Variants in ZNF841 observed in about 807,000 individuals in gnomAD.
ZNF841 encodes the protein TCONS_00006091.
Under a neutral mutation model 13.0 loss-of-function variants are expected in ZNF841, and 11 were observed. The observed-to-expected ratio is 0.85, with a 90% confidence interval of 0.53 to 1.40. ZNF841 has a LOEUF of 1.40. Ranked by LOEUF, ZNF841 falls within the 40% of genes most tolerant of loss-of-function variation. The pLI is 0.00. For synonymous variants in ZNF841, 369 were observed against 381.6 expected (o/e 0.97, Z 0.38); for missense variants, 1,068 against 1,139.5 (o/e 0.94, Z 0.90).
intron 2 of ZNF841, among the ~76,000 whole-genome samples, chr19:52,089,206 G>A (rs745851200): frequency 7.9e-5 from 12 of 152,168 alleles, no homozygotes; most frequent in Non-Finnish European, 1.6e-4. Flanking sequence ...ACTTTAGGAA[G>A]GTAAAGGATC....
rs781724866 is a variant in ZNF841, at chr19:52,065,452, A to T, written c.2430T>A (p.Asn810Lys). The T allele has an allele frequency of 6.2e-7, 1 of 1,613,796 alleles. No homozygotes were observed. The highest frequency in any genetic ancestry group is 8.5e-7 in the Non-Finnish European group (1 of 1,179,950). Residue 810 changes from asparagine to lysine, a missense_variant, in exon 7 of 7, where the codon AAT (asparagine) becomes AAA (lysine). Coordinates refer to ENST00000594440, the MANE Select transcript of ZNF841 (RefSeq NM_001136499.2). ...TCTCTCCAGTATGCATCATCTGATG[A>T]TTAAGCAGAATTGAACGTACTCTAA... ...KAFRVRSILL[N>K]HQMMHTGEKP...
At chr19:52,074,820 G>A (rs1483580535) in intron 6 of ZNF841, among the ~76,000 whole-genome samples, 1 of 152,046 alleles carries the variant, frequency 6.6e-6, no homozygotes, top group Non-Finnish European at 1.5e-5. Context: ...GCCCGGCATG[G>A]GAGAAATTCC....
At chr19:52,081,505 TA>T (rs1427620216) in intron 4 of ZNF841, among the ~76,000 whole-genome samples, 2 of 152,182 alleles carry the variant, frequency 1.3e-5, no homozygotes, top group African/African-American at 4.8e-5. Context: ...CTATATGAAC[TA>T]TGCATGCAAA....
downstream of ZNF841, among the ~76,000 whole-genome samples, chr19:52,064,219 G>A (rs369095979): frequency 3.9e-4 from 59 of 151,816 alleles, no homozygotes; most frequent in East Asian, 1.4e-3. Context: ...GGTGGCGAGC[G>A]CCTGTAGTCC....
Position 52,066,900 on chromosome 19 carries a change from G to C in ZNF841, c.982C>G (p.Gln328Glu), listed in dbSNP as rs1175067157. 2 of 1,614,126 alleles carry C rather than the reference G, an allele frequency of 1.2e-6. No homozygotes were observed. The highest frequency in any genetic ancestry group is 1.7e-6 in the Non-Finnish European group (2 of 1,180,026). ...QCDVCGRIFR[Q>E]NSDLVNHRRS... ...CGGTGATTTACAAGATCTGAATTTT[G>C]TCTGAAGATCCTGCCACATACATCA... The change falls in exon 7 of 7, where the codon CAA becomes GAA. Residue 328 changes from glutamine to glutamate, a missense_variant. Coordinates refer to ENST00000594440, the MANE Select transcript of ZNF841 (RefSeq NM_001136499.2).
intron 4 of ZNF841, among the ~76,000 whole-genome samples, chr19:52,078,564 T>C (rs1397154433): frequency 6.6e-6 from 1 of 151,892 alleles, no homozygotes; most frequent in South Asian, 2.1e-4. Context: ...CCGGGTGTGG[T>C]GGCCGGCGCC....
chr19:52,071,209 A>G (rs552526174), intron 6 of ZNF841, among the ~76,000 whole-genome samples: 7 of 152,356 alleles, frequency 4.6e-5, no homozygotes, highest in African/African-American at 1.7e-4. Context: ...TTATGTCTCT[A>G]TAATATTTGC....
chr19:52,061,279 T>C (rs1053899817), downstream of ZNF841, among the ~76,000 whole-genome samples: 40 of 152,252 alleles, frequency 2.6e-4, no homozygotes, highest in African/African-American at 9.4e-4. Flanking sequence ...AAAGATAAAA[T>C]GTAAAATTTT....
At chr19:52,072,712 G>A (rs1338698503) in intron 6 of ZNF841, among the ~76,000 whole-genome samples, 3 of 152,058 alleles carry the variant, frequency 2.0e-5, no homozygotes, top group Admixed American at 6.6e-5. Context: ...CCAGCTACTC[G>A]GGAGGCTGAG....
Position 52,076,064 on chromosome 19 carries a change from C to A in ZNF841, c.251G>T (p.Cys84Phe), listed in dbSNP as rs28706645. The change falls in exon 6 of 7, where the codon TGC (cysteine) becomes TTC (phenylalanine). Residue 84 changes from cysteine (C) to phenylalanine (F), a missense_variant. Transcript: ENST00000594440. The part of the protein sequence containing the change: ...KIARNPNCGE[C>F]MKGVITGISP... The stretch of plus-strand genomic sequence containing the variant: ...CTTACCGGTGATCACGCCTTTCATG[C>A]ATTCCCCACAGTTTGGGTTCCTCGC... 7 of 1,552,886 alleles carry A rather than the reference C, an allele frequency of 4.5e-6. No homozygotes were observed. The highest frequency in any genetic ancestry group is 6.1e-6 in the Non-Finnish European group (7 of 1,147,614).
chr19:52,066,788 C>T lies in ZNF841; in HGVS notation c.1094G>A (p.Arg365Lys). ...SKSSHLAVHQ[R>K]IHTGEKPYKC... Reference sequence around the variant, plus strand: ...GTAAGGTTTCTCTCCAGTATGAATTCTCTGATGAACTGCAAGGTGGGAACT... The same window carrying T: ...GTAAGGTTTCTCTCCAGTATGAATTTTCTGATGAACTGCAAGGTGGGAACT... The change falls in exon 7 of 7, where the codon AGA becomes AAA. Residue 365 changes from arginine to lysine, a missense_variant. Physicochemically the swap from Arg to Lys is conservative, Grantham distance 26. Coordinates refer to ENST00000594440, the MANE Select transcript of ZNF841 (RefSeq NM_001136499.2). 2 of 1,613,992 alleles carry T rather than the reference C, an allele frequency of 1.2e-6. No homozygotes were observed. The highest frequency in any genetic ancestry group is 2.2e-5 in the East Asian group (1 of 44,884).
chr19:52,076,618 A>C (rs1224458951), intron 5 of ZNF841, among the ~76,000 whole-genome samples: 1 of 147,184 alleles, frequency 6.8e-6, no homozygotes, highest in Non-Finnish European at 1.5e-5. Flanking sequence ...ACACCACTGC[A>C]CTCCAGCCTG....
intron 3 of ZNF841, among the ~76,000 whole-genome samples, chr19:52,085,380 G>A (rs2088237720): frequency 6.6e-6 from 1 of 152,238 alleles, no homozygotes; most frequent in Non-Finnish European, 1.5e-5. Context: ...GCACGCTAAT[G>A]TGAAGCCAGG....
chr19:52,095,255 G>C (rs1366637146), intron 1 of ZNF841, among the ~76,000 whole-genome samples: 1 of 152,202 alleles, frequency 6.6e-6, no homozygotes, highest in Non-Finnish European at 1.5e-5. Context: ...AGGACGACAC[G>C]AGGTGGCGCG....
At position 52,066,476 on chromosome 19, in the gene ZNF841, C is replaced by T. The variant is rs748072386; in HGVS notation, c.1406G>A (p.Arg469His). ...TCTCCGGTGCCCTGCAAGACGTGAA[C>T]GTTGAAAGAAGACCTTGCCACATTC... ...CNECGKVFFQ[R>H]SRLAGHRRIH... is the part of the protein sequence containing the mutation. Residue 469 changes from arginine to histidine, a missense_variant, in exon 7 of 7, where the codon CGT becomes CAT. Coordinates refer to ENST00000594440, the MANE Select transcript of ZNF841 (RefSeq NM_001136499.2). 2.5e-5 allele frequency: 40 copies of T among 1,613,190 alleles called. No individual in the cohort carries two copies. Among genetic ancestry groups the T allele is most frequent in the Admixed American group, 5.0e-5 (3 of 59,916 alleles).
In ZNF841 at chr19:52,066,548, A is replaced by C. The variant is rs755277266; in HGVS notation, c.1334T>G (p.Val445Gly). ...GKVFYQNSQL[V>G]RHQIIHTGET... ...TCCAGTATGAATTATCTGGTGCCTT[A>C]CAAGTTGTGAATTCTGATAAAAGAC... Residue 445 changes from valine (V) to glycine (G), a missense_variant, in exon 7 of 7, where the codon GTA (valine) becomes GGA (glycine). Physicochemically the swap from Val to Gly is moderately radical, Grantham distance 109. Coordinates refer to ENST00000594440, the MANE Select transcript of ZNF841 (RefSeq NM_001136499.2). The C allele has an allele frequency of 6.2e-7, 1 of 1,613,516 alleles. No individual in the cohort carries two copies. Among genetic ancestry groups the C allele is most frequent in the Non-Finnish European group, 8.5e-7 (1 of 1,179,742 alleles).
In ZNF841 at chr19:52,066,427, G is replaced by T. The variant is rs754819601; in HGVS notation, c.1455C>A (p.Tyr485Ter). ...HRRIHTGEKP[Y>*]KCNECGKVFS... The stretch of plus-strand genomic sequence containing the variant: ...AGACCTTGCCACATTCATTACATTT[G>T]TAGGGTTTCTCTCCAGTATGAATTC... Residue 485 changes from tyrosine (Y) to a stop codon, truncating the protein, a stop_gained, in exon 7 of 7, where the codon TAC becomes TAA. Transcript: ENST00000594440. LOFTEE classifies it low-confidence loss of function (END_TRUNC). 1 of 1,613,964 alleles carries T rather than the reference G, an allele frequency of 6.2e-7. No homozygotes were observed. The highest frequency in any genetic ancestry group is 8.5e-7 in the Non-Finnish European group (1 of 1,179,976).
rs562143370 is a variant in ZNF841, at chr19:52,091,054, T to A, written c.-143-2052A>T. Among the ~76,000 whole-genome samples, 47 of 152,290 alleles carry A rather than the reference T, an allele frequency of 3.1e-4. 2 individuals carry two copies. Among genetic ancestry groups the A allele is most frequent in the African/African-American group, 1.1e-3 (45 of 41,556 alleles). ...AAGGGCTCTAAAAGCTCAGGACTCT[T>A]GCTCACTAGAAGCAAGGAGCCCCTG... On this transcript the variant is annotated intron_variant, in intron 2 of 6. Coordinates refer to ENST00000594440, the MANE Select transcript of ZNF841 (RefSeq NM_001136499.2).
chr19:52,064,089 A>C (rs1011565046), downstream of ZNF841, among the ~76,000 whole-genome samples: 18 of 152,220 alleles, frequency 1.2e-4, no homozygotes, highest in African/African-American at 4.1e-4. Context: ...TCACGCCTGT[A>C]ATCCCAGCAC....
Sources: gnomAD v4.1 joint callset for allele counts (sites outside exome capture counted in the v4.1 genomes callset) on GRCh38, gnomAD v4.1.1 for gene constraint, MANE v1.5 for transcripts, NCBI Gene and HGNC (gene_info 2026-07-23, HGNC 2026-07-21) for gene names.